ERMAP: variants seen among roughly 807,000 people sequenced by gnomAD.
ERMAP encodes the protein erythroid membrane-associated protein.
ERMAP carries 34 observed loss-of-function variants against 49.5 expected under a neutral mutation model. The observed-to-expected ratio is 0.69, with a 90% CI of 0.52 to 0.91. The LOEUF (loss-of-function observed/expected upper bound fraction) is 0.91, where lower values mean the gene tolerates loss of function less well. Ranked by LOEUF, ERMAP falls within the 40% of genes least tolerant of loss-of-function variation. The pLI, the probability that ERMAP is intolerant of heterozygous loss-of-function variation, is 0.00. For synonymous variants in ERMAP, 214 were observed against 232.2 expected, an observed-to-expected ratio of 0.92 and a Z score of 0.71; for missense variants, 541 against 582.6, an observed-to-expected ratio of 0.93 and a Z score of 0.74.
chr1:42,837,311 A>G, intron 7 of ERMAP, 121 bp downstream of exon 7: 1 of 1,048,378 alleles, frequency 9.5e-7, no homozygotes, highest in Non-Finnish European at 1.4e-6. Flanking sequence ...ATGCACACAT[A>G]TATCCTCCAT....
chr1:42,817,333 G>T (rs1037735475), intron 1 of ERMAP, 80 bp downstream of exon 1: 10 of 1,035,746 alleles, frequency 9.7e-6, no homozygotes, highest in South Asian at 4.8e-5. Flanking sequence ...CCGCGCGCCG[G>T]GGGGAGGGGC....
Position 42,842,974 on chromosome 1 carries a change from C to T in ERMAP, c.1170C>T (p.Pro390=), listed in dbSNP as rs147144990. 48 of 1,614,100 alleles carry T rather than the reference C, an allele frequency of 3.0e-5. No individual in the cohort carries two copies. In the African/African-American group the frequency reaches 4.9e-4, roughly 17 times the overall value. ...IFTFTHNFSG[P]LRPFFEPCLH... ...CTTTCACCCACAATTTCTCTGGCCC[C>T]CTTCGCCCTTTCTTTGAACCTTGCC... Residue 390 remains proline, a synonymous_variant, in exon 12 of 12, where the codon CCC becomes CCT. Coordinates refer to ENST00000372517, the MANE Select transcript of ERMAP (RefSeq NM_001017922.2).
intron 4 of ERMAP, 109 bp downstream of exon 4, chr1:42,831,224 T>G: frequency 1.5e-6 from 2 of 1,332,098 alleles, no homozygotes; most frequent in East Asian, 2.5e-5. Flanking sequence ...TGCAGTGTAG[T>G]TTTTACTTGC....
chr1:42,822,073 AAAT>A (rs1434058386), intron 1 of ERMAP, among the ~76,000 whole-genome samples: 1 of 151,252 alleles, frequency 6.6e-6, no homozygotes, highest in Non-Finnish European at 1.5e-5. Flanking sequence ...TTAAAAATAA[AAAT>A]AATAAATTAT....
At chr1:42,828,492 A>T (rs112533402) in intron 2 of ERMAP, among the ~76,000 whole-genome samples, 147 of 17,100 alleles carry the variant, frequency 8.6e-3, no homozygotes, top group East Asian at 0.028. Flanking sequence ...TTCTTTTTTT[A>T]AAAAAATTTT....
intron 1 of ERMAP, among the ~76,000 whole-genome samples, chr1:42,820,391 T>C (rs1654376667): frequency 6.6e-6 from 1 of 151,606 alleles, no homozygotes; most frequent in Non-Finnish European, 1.5e-5. Context: ...CTTTTTTTTT[T>C]TTTTTTTTTA....
intron 1 of ERMAP, among the ~76,000 whole-genome samples, chr1:42,825,246 G>C (rs1180401968): frequency 6.6e-6 from 1 of 152,168 alleles, no homozygotes. Flanking sequence ...GATAAAGATA[G>C]TGAGTTAAAG....
chr1:42,832,690 C>T (rs1654782445), intron 4 of ERMAP, among the ~76,000 whole-genome samples: 1 of 152,108 alleles, frequency 6.6e-6, no homozygotes, highest in African/African-American at 2.4e-5. Flanking sequence ...TAAAAGGGGA[C>T]CGAGGTGCCC....
At chr1:42,834,953 T>C in intron 4 of ERMAP, 85 bp from the exon 5 acceptor site, 1 of 754,360 alleles carries the variant, frequency 1.3e-6, no homozygotes, top group Non-Finnish European at 2.5e-6. Context: ...AGTGTTGGGA[T>C]GTGCTGGAGC....
rs1557608299 is a variant in ERMAP, at chr1:42,830,754, CT to C, written c.86-7del. On this transcript the variant is annotated splice_polypyrimidine_tract_variant and intron_variant, in intron 3 of 11. Transcript: ENST00000372517. ...CCGTCCCTCCCAGTTGGCCTTGTCT[CT>C]TTTTTTGTCCAGGCCACGCAGGGGA... is the stretch of plus-strand genomic sequence containing the variant. The C allele has an allele frequency of 1.3e-6, 2 of 1,516,290 alleles. No individual in the cohort carries two copies. The allele number at this position is 1,516,290 out of a possible 1,614,324, so 93.9% of individuals were successfully genotyped here.
chr1:42,817,291 T>C (rs760859644), intron 1 of ERMAP, 38 bp downstream of exon 1: 16 of 1,207,900 alleles, frequency 1.3e-5, no homozygotes, highest in African/African-American at 3.3e-5. Context: ...GACCCAGCGC[T>C]GCCTGCCCAC....
chr1:42,840,414 A>G, intron 11 of ERMAP, 118 bp downstream of exon 11: 1 of 1,192,210 alleles, frequency 8.4e-7, no homozygotes, highest in Non-Finnish European at 1.2e-6. Context: ...TTTTAAATCA[A>G]ATCTGTATAT....
chr1:42,842,573 C>G lies in ERMAP; in HGVS notation c.769C>G (p.Gln257Glu). Residue 257 changes from glutamine to glutamate, a missense_variant, in exon 12 of 12, where the codon CAA (glutamine) becomes GAA (glutamate). Physicochemically the swap from Gln to Glu is conservative, Grantham distance 29. Coordinates refer to ENST00000372517, the MANE Select transcript of ERMAP (RefSeq NM_001017922.2). ...TCCCAAACTCATCCTTTCTGAGGAC[C>G]AAAGATGTGTAAGGCTTGGAGACAG... is the stretch of plus-strand genomic sequence containing the variant. ...AHPKLILSEDQRCVRLGDRRQ... is the reference protein window; with the variant it reads ...AHPKLILSEDERCVRLGDRRQ... 6.2e-7 allele frequency: 1 copy of G among 1,614,154 alleles called. No individual in the cohort carries two copies. Among genetic ancestry groups the G allele is most frequent in the East Asian group, 2.2e-5 (1 of 44,884 alleles).
chr1:42,830,142 A>C (rs1570535147), intron 2 of ERMAP: 1 of 383,386 alleles, frequency 2.6e-6, no homozygotes, highest in South Asian at 3.0e-5. Context: ...TGACATCCTC[A>C]CTCACGGCAT....
Position 42,831,025 on chromosome 1 carries a change from G to T in ERMAP, c.343G>T (p.Asp115Tyr), listed in dbSNP as rs1654713802. The change falls in exon 4 of 12, where the codon GAC becomes TAC. Residue 115 changes from aspartate (D) to tyrosine (Y), a missense_variant. By Grantham distance (160) the Asp-to-Tyr change is radical. Transcript: ENST00000372517. ...QEGSVTLQILDVRLEDQGSYR... is the reference protein window; with the variant it reads ...QEGSVTLQILYVRLEDQGSYR... ...GGGAAGTGTCACTCTGCAGATCCTTGACGTGCGCCTTGAGGACCAAGGGTC... is the reference window on the plus strand; with the variant it reads ...GGGAAGTGTCACTCTGCAGATCCTTTACGTGCGCCTTGAGGACCAAGGGTC... 6.2e-7 allele frequency: 1 copy of T among 1,614,116 alleles called. No homozygotes were observed. Among genetic ancestry groups the T allele is most frequent in the African/African-American group, 1.3e-5 (1 of 74,940 alleles).
chr1:42,825,516 G>A, intron 1 of ERMAP, 107 bp from the exon 2 acceptor site: 1 of 1,194,908 alleles, frequency 8.4e-7, no homozygotes, highest in East Asian at 5.9e-5. Flanking sequence ...ACAGGGTGTG[G>A]CTTGCTGGTT....
rs988013601 is a variant in ERMAP at position 42,819,169 on chromosome 1, G to A, written c.-122+1916G>A. Among the ~76,000 whole-genome samples, 2 of 84,408 alleles carry A rather than the reference G, an allele frequency of 2.4e-5. No homozygotes were observed. The highest frequency in any genetic ancestry group is 7.7e-5 in the African/African-American group (2 of 26,054). The allele number at this position is 84,408 out of a possible 152,430, so 55.4% of individuals were successfully genotyped here. Reference sequence around the variant, plus strand: ...CGGTGAGGAAGAGGATAAGTTAGGAGCGTGTGTGTGTGTGTGTGTGTGTGT... The same window carrying A: ...CGGTGAGGAAGAGGATAAGTTAGGAACGTGTGTGTGTGTGTGTGTGTGTGT... On this transcript the variant is annotated intron_variant, in intron 1 of 11. Transcript: ENST00000372517. This position sits in a 1 kb window ranked among gnomAD's most constrained non-coding sequence, Gnocchi z 5.1.
chr1:42,831,005 G>C lies in ERMAP; in HGVS notation c.323G>C (p.Ser108Thr). 1 of 1,614,238 alleles carries C rather than the reference G, an allele frequency of 6.2e-7. No individual in the cohort carries two copies. The highest frequency in any genetic ancestry group is 8.5e-7 in the Non-Finnish European group (1 of 1,180,030). ...CTAGTGAGAGATGCCCAAGAGGGAA[G>C]TGTCACTCTGCAGATCCTTGACGTG... is the stretch of plus-strand genomic sequence containing the variant. ...TVLVRDAQEGSVTLQILDVRL... is the reference protein window; with the variant it reads ...TVLVRDAQEGTVTLQILDVRL... Residue 108 changes from serine (S) to threonine (T), a missense_variant, in exon 4 of 12, where the codon AGT becomes ACT. Ser to Thr is a moderately conservative substitution (Grantham distance 58, BLOSUM62 1). Coordinates refer to ENST00000372517, the MANE Select transcript of ERMAP (RefSeq NM_001017922.2).
intron 6 of ERMAP, 60 bp downstream of exon 6, chr1:42,835,824 C>G (rs1436371474): frequency 7.0e-6 from 11 of 1,569,852 alleles, no homozygotes; most frequent in Admixed American, 1.9e-5. Context: ...TTTCTGTGCC[C>G]CCCATACCCA....
Sources: allele counts gnomAD v4.1 joint callset (sites outside exome capture counted in the v4.1 genomes callset), GRCh38; gene constraint gnomAD v4.1.1; non-coding constraint Gnocchi (gnomAD v3.1); transcripts MANE v1.5; gene names NCBI Gene and HGNC (gene_info 2026-07-23, HGNC 2026-07-21).